Variants in XYLT1 observed in about 807,000 individuals in gnomAD.
XYLT1 encodes beta-D-xylosyltransferase 1.
In XYLT1, 36 loss-of-function variants were observed where a neutral mutation model predicts 91.3. The observed-to-expected ratio is 0.39, with a 90% CI of 0.30 to 0.52. The LOEUF (loss-of-function observed/expected upper bound fraction) is 0.52, where lower values mean the gene tolerates loss of function less well. Among genes scored for constraint, XYLT1 ranks in the 20% least tolerant of loss-of-function variants. The pLI is 0.68. For missense variants in XYLT1, 1,242 were observed against 1,284.5 expected (o/e 0.97, Z 0.51); for synonymous variants, 588 against 532.0 (o/e 1.11, Z -1.45).
chr16:17,276,880 C>T (rs556205005), intron 2 of XYLT1, among the ~76,000 whole-genome samples: 1 of 152,308 alleles, frequency 6.6e-6, no homozygotes, highest in Admixed American at 6.5e-5. Flanking sequence ...ATATCAAAAC[C>T]TCGCAGGGCT....
chr16:17,214,154 C>T (rs1489662815), intron 3 of XYLT1, among the ~76,000 whole-genome samples: 2 of 152,198 alleles, frequency 1.3e-5, no homozygotes, highest in African/African-American at 4.8e-5. Flanking sequence ...CACTCATCTC[C>T]CTGGGAGGCA....
At chr16:17,218,134 T>C (rs567744383) in intron 3 of XYLT1, among the ~76,000 whole-genome samples, 9 of 152,026 alleles carry the variant, frequency 5.9e-5, no homozygotes, top group Admixed American at 5.9e-4. Flanking sequence ...GGTGCGCGCC[T>C]GTAGTTTCAG....
chr16:17,115,619 T>C (rs1386826159), intron 11 of XYLT1, among the ~76,000 whole-genome samples: 1 of 151,392 alleles, frequency 6.6e-6, no homozygotes, highest in African/African-American at 2.4e-5. Context: ...GCTGGGACTA[T>C]AGACGCCGGC....
chr16:17,204,994 T>C lies in XYLT1; in HGVS notation c.914-4340A>G, dbSNP rs528958010. Among the ~76,000 whole-genome samples, 9 of 136,518 alleles carry C rather than the reference T, an allele frequency of 6.6e-5. No homozygotes were observed. The South Asian group carries it at 1.8e-3, about 28-fold the overall frequency. The allele number at this position is 136,518 out of a possible 152,430, so 89.6% of individuals were successfully genotyped here. On this transcript the variant is annotated intron_variant, in intron 3 of 11. Coordinates refer to ENST00000261381, the MANE Select transcript of XYLT1 (RefSeq NM_022166.4). ...AAAAAAAAAAAAAAAAAAAAAAGAA[T>C]TTAACAATGTAATCAGATTCCCATG...
At chr16:17,361,069 A>T (rs1039503111) in intron 1 of XYLT1, among the ~76,000 whole-genome samples, 2 of 152,192 alleles carry the variant, frequency 1.3e-5, no homozygotes. Context: ...ATGTGACTCG[A>T]CAGTTCTTTA....
At chr16:17,252,827 T>A (rs1001042947) in intron 3 of XYLT1, among the ~76,000 whole-genome samples, 1 of 152,220 alleles carries the variant, frequency 6.6e-6, no homozygotes, top group African/African-American at 2.4e-5. Context: ...CTTGCAGCCA[T>A]GAGGAATTGT....
chr16:17,413,223 T>C (rs1461064998), intron 1 of XYLT1, among the ~76,000 whole-genome samples: 1 of 152,080 alleles, frequency 6.6e-6, no homozygotes, highest in East Asian at 1.9e-4. Flanking sequence ...TATCTGATGA[T>C]GGTATACAGG....
intron 10 of XYLT1, among the ~76,000 whole-genome samples, chr16:17,126,802 A>C (rs1287912875): frequency 6.6e-6 from 1 of 152,166 alleles, no homozygotes; most frequent in African/African-American, 2.4e-5. Context: ...TCCTTCCTGC[A>C]CCACGACCCA....
intron 1 of XYLT1, among the ~76,000 whole-genome samples, chr16:17,442,245 T>A (rs533803411): frequency 2.2e-4 from 34 of 152,338 alleles, no homozygotes; most frequent in Middle Eastern, 3.4e-3. Flanking sequence ...TTCCTTATAA[T>A]GAAACTGTAT....
At chr16:17,423,799 A>G (rs1371303618) in intron 1 of XYLT1, among the ~76,000 whole-genome samples, 1 of 151,972 alleles carries the variant, frequency 6.6e-6, no homozygotes, top group African/African-American at 2.4e-5. Context: ...TATTTTTAGT[A>G]GAGACGGGGT....
intron 1 of XYLT1, among the ~76,000 whole-genome samples, chr16:17,362,556 C>T (rs2035398683): frequency 6.6e-6 from 1 of 152,210 alleles, no homozygotes; most frequent in Non-Finnish European, 1.5e-5. Context: ...GTCTACACCT[C>T]AAAAGTCTTG....
intron 1 of XYLT1, among the ~76,000 whole-genome samples, chr16:17,430,782 T>C (rs538439990): frequency 6.6e-6 from 1 of 152,314 alleles, no homozygotes; most frequent in East Asian, 1.9e-4. Context: ...ACCAGCCACC[T>C]CAGGGATCCT....
chr16:17,362,710 G>A (rs944298520), intron 1 of XYLT1, among the ~76,000 whole-genome samples: 5 of 152,204 alleles, frequency 3.3e-5, no homozygotes, highest in African/African-American at 4.8e-5. Context: ...CTCTCCTGGC[G>A]GATTCTGAGC....
chr16:17,245,040 T>C (rs1596445338), intron 3 of XYLT1, among the ~76,000 whole-genome samples: 1 of 152,298 alleles, frequency 6.6e-6, no homozygotes, highest in South Asian at 2.1e-4. Context: ...CACTCTTTTT[T>C]TTGACATGTG....
Position 17,108,735 on chromosome 16 carries a change from G to A in XYLT1, c.2840C>T (p.Ser947Leu). 1 of 1,600,108 alleles carries A rather than the reference G, an allele frequency of 6.2e-7. No homozygotes were observed. Among genetic ancestry groups the A allele is most frequent in the Non-Finnish European group, 8.5e-7 (1 of 1,175,804 alleles). ...AWSSFSPDPK[S>L]ELGAVKPDGR... ...ATCAGGTTTGACTGCCCCCAGCTCC[G>A]ACTTGGGGTCAGGGCTGAAGGAGCT... Residue 947 changes from serine to leucine, a missense_variant, in exon 12 of 12, where the codon TCG becomes TTG. This residue lies in a region of XYLT1 where 511 missense variants were observed against 497.0 expected (regional missense o/e 1.03). Transcript: ENST00000261381.
chr16:17,388,656 C>T (rs887337276), intron 1 of XYLT1, among the ~76,000 whole-genome samples: 9 of 152,286 alleles, frequency 5.9e-5, no homozygotes, highest in South Asian at 2.1e-4. Flanking sequence ...AATCACACTA[C>T]GGAGGGTGCT....
Position 17,306,557 on chromosome 16 carries a change from G to GATATAT in XYLT1, c.403-47065_403-47060dup, listed in dbSNP as rs35971345. Among the ~76,000 whole-genome samples, 1,408 of 146,488 alleles carry GATATAT rather than the reference G, an allele frequency of 9.6e-3. 14 individuals are homozygous for GATATAT. Among genetic ancestry groups the GATATAT allele is most frequent in the African/African-American group, 0.02 (797 of 39,904 alleles). On this transcript the variant is annotated intron_variant, in intron 2 of 11. Coordinates refer to ENST00000261381, the MANE Select transcript of XYLT1 (RefSeq NM_022166.4). The stretch of plus-strand genomic sequence containing the variant: ...GTGACAGAGTGAGACTGTCACAAAA[G>GATATAT]ATATATATATATATATATATTCCCT...
intron 2 of XYLT1, among the ~76,000 whole-genome samples, chr16:17,267,597 G>A (rs1358742123): frequency 6.6e-6 from 1 of 152,178 alleles, no homozygotes; most frequent in Non-Finnish European, 1.5e-5. Context: ...TTTTAGTAGA[G>A]ACGGGGTTTC....
intron 5 of XYLT1, among the ~76,000 whole-genome samples, chr16:17,164,432 G>C (rs763244099): frequency 6.6e-6 from 1 of 152,050 alleles, no homozygotes; most frequent in Non-Finnish European, 1.5e-5. Flanking sequence ...GTACTGGATG[G>C]ATTCACATTG....
Sources: gnomAD v4.1 joint callset for allele counts (sites outside exome capture counted in the v4.1 genomes callset) on GRCh38, gnomAD v4.1.1 for gene constraint, gnomAD v4.1.1 regional missense constraint, MANE v1.5 for transcripts, NCBI Gene and HGNC (gene_info 2026-07-23, HGNC 2026-07-21) for gene names.